The following WWOX variants were observed in gnomAD, a reference collection of about 807,000 sequenced individuals.
WWOX encodes the protein WW domain-containing oxidoreductase.
In WWOX, 69 loss-of-function variants were observed where a neutral mutation model predicts 46.2. That is an observed-to-expected ratio of 1.49 (90% CI 1.23 to 1.82). WWOX has a LOEUF of 1.82. Among genes scored for constraint, WWOX ranks in the 40% most tolerant of loss-of-function variants. The probability of loss-of-function intolerance (pLI) is 0.00; values close to 1 mark genes in which losing one functional copy is unlikely to be tolerated. For missense variants in WWOX, 919 were observed against 542.6 expected (o/e 1.69, Z -6.89); for synonymous variants, 359 against 202.6 (o/e 1.77, Z -6.56).
chr16:78,968,879 G>C (rs568408123), intron 8 of WWOX, among the ~76,000 whole-genome samples: 110 of 151,434 alleles, frequency 7.3e-4, no homozygotes, highest in Non-Finnish European at 1.4e-3. Context: ...TGGAATGTTT[G>C]TCACATAATA....
chr16:78,540,014 TCTCTCTCACA>T (rs1255891013), intron 8 of WWOX, among the ~76,000 whole-genome samples: 1 of 127,486 alleles, frequency 7.8e-6, no homozygotes, highest in Non-Finnish European at 1.7e-5. Context: ...TCTCTCTCTC[TCTCTCTCACA>T]CACACACACA....
chr16:79,090,949 C>T lies in WWOX; in HGVS notation c.1057-120659C>T, dbSNP rs553084537. 4.6e-5 allele frequency among the ~76,000 whole-genome samples: 7 copies of T among 152,280 alleles called. No homozygotes were observed. In the East Asian group the frequency reaches 1.4e-3, roughly 29 times the overall value. On this transcript the variant is annotated intron_variant, in intron 8 of 8. Coordinates refer to ENST00000566780, the MANE Select transcript of WWOX (RefSeq NM_016373.4). ...GTTGGGACTACAGGCATTCATGCCACCGCACCCAGCTCAAATTTTTGTATT... is the reference window on the plus strand; with the variant it reads ...GTTGGGACTACAGGCATTCATGCCATCGCACCCAGCTCAAATTTTTGTATT...
chr16:78,130,922 G>C (rs1286269696), intron 4 of WWOX, among the ~76,000 whole-genome samples: 1 of 152,174 alleles, frequency 6.6e-6, no homozygotes, highest in Non-Finnish European at 1.5e-5. Flanking sequence ...CTCATAGGAT[G>C]TACTTACAAA....
chr16:78,470,502 T>C (rs2084196271), intron 8 of WWOX, among the ~76,000 whole-genome samples: 1 of 152,170 alleles, frequency 6.6e-6, no homozygotes. Context: ...ACTCTTTTAT[T>C]TTCATGTATG....
chr16:78,891,095 A>G (rs567086752), intron 8 of WWOX: 8 of 152,326 alleles, frequency 5.3e-5, no homozygotes, highest in African/African-American at 1.4e-4. Flanking sequence ...GAATGAATAA[A>G]GTGAAATTCA....
chr16:78,675,256 G>A (rs539813649), intron 8 of WWOX, among the ~76,000 whole-genome samples: 8 of 152,188 alleles, frequency 5.3e-5, no homozygotes, highest in African/African-American at 1.9e-4. Flanking sequence ...CAGAGAAGCT[G>A]GGGTTTTAAT....
At chr16:79,154,230 A>G (rs1049641455) in intron 8 of WWOX, among the ~76,000 whole-genome samples, 4 of 152,330 alleles carry the variant, frequency 2.6e-5, no homozygotes, top group Middle Eastern at 3.4e-3. Context: ...TGCAACAAGT[A>G]TTTGTGTAAG....
At chr16:78,674,829 A>ATTT (rs5818159) in intron 8 of WWOX, among the ~76,000 whole-genome samples, 1 of 148,026 alleles carries the variant, frequency 6.8e-6, no homozygotes. Context: ...TTCATTTTTC[A>ATTT]TTTTTTTTTT....
chr16:78,817,805 C>T (rs2051379166), intron 8 of WWOX, among the ~76,000 whole-genome samples: 1 of 152,120 alleles, frequency 6.6e-6, no homozygotes, highest in African/African-American at 2.4e-5. Flanking sequence ...GAAAGAGTTC[C>T]AAGGCAGTCC....
At chr16:78,955,050 C>G (rs2046137198) in intron 8 of WWOX, among the ~76,000 whole-genome samples, 1 of 152,132 alleles carries the variant, frequency 6.6e-6, no homozygotes, top group South Asian at 2.1e-4. Flanking sequence ...TTGTCCCCCA[C>G]AAAGTATTGG....
intron 8 of WWOX, among the ~76,000 whole-genome samples, chr16:78,701,480 C>T (rs2048215652): frequency 6.6e-6 from 1 of 152,104 alleles, no homozygotes. Flanking sequence ...GAACCCAGGC[C>T]TTCCTCCCTT....
chr16:78,990,807 C>A (rs982794383), intron 8 of WWOX, among the ~76,000 whole-genome samples: 2 of 152,332 alleles, frequency 1.3e-5, no homozygotes, highest in Non-Finnish European at 2.9e-5. Context: ...CTTAATCAAG[C>A]TTTGCCTCAG....
chr16:78,732,746 A>G (rs963924201), intron 8 of WWOX, among the ~76,000 whole-genome samples: 4 of 152,172 alleles, frequency 2.6e-5, no homozygotes, highest in Non-Finnish European at 4.4e-5. Context: ...ATAAAAGTAA[A>G]TAAGGGGAAA....
chr16:78,502,763 T>C (rs2085101400), intron 8 of WWOX, among the ~76,000 whole-genome samples: 1 of 152,210 alleles, frequency 6.6e-6, no homozygotes, highest in Non-Finnish European at 1.5e-5. Flanking sequence ...AAAGTCATCA[T>C]TGCCAAGGCC....
At chr16:79,147,455 G>A in intron 8 of WWOX, among the ~76,000 whole-genome samples, 1 of 152,272 alleles carries the variant, frequency 6.6e-6, no homozygotes, top group Admixed American at 6.5e-5. Flanking sequence ...TTGCTCAGTA[G>A]TATTCCATGG....
intron 8 of WWOX, among the ~76,000 whole-genome samples, chr16:78,592,753 G>T (rs1241168992): frequency 6.6e-6 from 1 of 152,162 alleles, no homozygotes; most frequent in Non-Finnish European, 1.5e-5. Context: ...AAAATAAGTT[G>T]TTTTCTGGCC....
intron 8 of WWOX, among the ~76,000 whole-genome samples, chr16:78,944,318 A>T (rs8049143): frequency 0.48 from 72,400 of 151,912 alleles, 18,663 homozygotes; most frequent in African/African-American, 0.68. Context: ...TTGGAATTAT[A>T]TGTCTGTTTT....
Position 79,136,429 on chromosome 16 carries a change from C to T in WWOX, c.1057-75179C>T, listed in dbSNP as rs576109942. On this transcript the variant is annotated intron_variant, in intron 8 of 8. Coordinates refer to ENST00000566780, the MANE Select transcript of WWOX (RefSeq NM_016373.4). Reference sequence around the variant, plus strand: ...TATTTTTAGTAGAGACGGGATTTTACCATGTTGGCCAGGATGGTCTTGATC... The same window carrying T: ...TATTTTTAGTAGAGACGGGATTTTATCATGTTGGCCAGGATGGTCTTGATC... Among the ~76,000 whole-genome samples, 14 of 152,176 alleles carry T rather than the reference C, an allele frequency of 9.2e-5. No individual in the cohort carries two copies. The South Asian group carries it at 2.9e-3, about 32-fold the overall frequency.
chr16:79,057,240 A>G (rs2048279878), intron 8 of WWOX, among the ~76,000 whole-genome samples: 1 of 152,154 alleles, frequency 6.6e-6, no homozygotes, highest in Non-Finnish European at 1.5e-5. Flanking sequence ...AGGATACATC[A>G]CCAGTCTTCC....
Sources: allele counts gnomAD v4.1 joint callset (sites outside exome capture counted in the v4.1 genomes callset), GRCh38; gene constraint gnomAD v4.1.1; transcripts MANE v1.5; gene names NCBI Gene and HGNC (gene_info 2026-07-23, HGNC 2026-07-21).